The following CACNA2D3 variants were observed in gnomAD, a reference collection of about 807,000 sequenced individuals.
The protein encoded by CACNA2D3 is calcium voltage-gated channel auxiliary subunit alpha2delta 3, also known as voltage-dependent calcium channel subunit alpha-2/delta-3.
A neutral mutation model predicts 160.6 loss-of-function variants in CACNA2D3; 60 were observed. The observed-to-expected ratio is 0.37, with a 90% CI of 0.30 to 0.46. The LOEUF is 0.46. Among genes scored for constraint, CACNA2D3 ranks in the 20% least tolerant of loss-of-function variants. CACNA2D3 has a pLI of 1.00. For missense variants in CACNA2D3, 1,205 were observed against 1,365.0 expected, an observed-to-expected ratio of 0.88 and a Z score of 1.85; for synonymous variants, 558 against 492.9, an observed-to-expected ratio of 1.13 and a Z score of -1.75.
intron 11 of CACNA2D3, among the ~76,000 whole-genome samples, chr3:54,644,715 C>T (rs1559537321): frequency 6.6e-6 from 1 of 152,210 alleles, no homozygotes. Context: ...CGGGATCACC[C>T]GAGGGCTTGT....
intron 17 of CACNA2D3, among the ~76,000 whole-genome samples, chr3:54,870,984 G>A (rs1699511146): frequency 6.6e-6 from 1 of 150,896 alleles, no homozygotes; most frequent in Admixed American, 6.6e-5. Context: ...AGATTCTTTG[G>A]TAAATGTAAG....
intron 27 of CACNA2D3, among the ~76,000 whole-genome samples, chr3:54,909,309 T>A (rs1329196613): frequency 2.0e-5 from 3 of 152,158 alleles, no homozygotes; most frequent in African/African-American, 7.2e-5. Context: ...GAAAACAGTT[T>A]ATGGGATTTT....
chr3:54,132,380 G>A (rs1157691007), intron 2 of CACNA2D3, among the ~76,000 whole-genome samples: 1 of 152,184 alleles, frequency 6.6e-6, no homozygotes, highest in African/African-American at 2.4e-5. Flanking sequence ...TTATATACAT[G>A]GGTTGTTTTC....
intron 3 of CACNA2D3, among the ~76,000 whole-genome samples, chr3:54,371,373 CA>C (rs1698923439): frequency 6.6e-6 from 1 of 152,132 alleles, no homozygotes; most frequent in African/African-American, 2.4e-5. Flanking sequence ...TGGGTTTCTA[CA>C]TTTGAAAACT....
chr3:54,740,890 T>G, intron 11 of CACNA2D3, among the ~76,000 whole-genome samples: 1 of 152,192 alleles, frequency 6.6e-6, no homozygotes, highest in Non-Finnish European at 1.5e-5. Flanking sequence ...TTGGGCAGAA[T>G]CCAAAACTCC....
At chr3:54,836,758 T>A (rs572629642) in intron 14 of CACNA2D3, among the ~76,000 whole-genome samples, 2 of 152,218 alleles carry the variant, frequency 1.3e-5, no homozygotes, top group Admixed American at 6.5e-5. Context: ...AGACCCTTTA[T>A]GTGCATGCTT....
chr3:54,452,640 A>G (rs1019578617), intron 4 of CACNA2D3, among the ~76,000 whole-genome samples: 2 of 152,170 alleles, frequency 1.3e-5, no homozygotes, highest in African/African-American at 4.8e-5. Context: ...TCACAGCAGC[A>G]CTTCACTTCC....
chr3:54,383,468 A>G (rs1699140153), intron 3 of CACNA2D3, among the ~76,000 whole-genome samples: 1 of 152,212 alleles, frequency 6.6e-6, no homozygotes, highest in Non-Finnish European at 1.5e-5. Context: ...TTCATAAGAA[A>G]CAACCATTAC....
At chr3:54,813,066 A>C (rs1703361040) in intron 13 of CACNA2D3, among the ~76,000 whole-genome samples, 1 of 152,134 alleles carries the variant, frequency 6.6e-6, no homozygotes, top group Non-Finnish European at 1.5e-5. Flanking sequence ...GTGAAGTGTC[A>C]CCTGAAATGT....
chr3:54,958,062 C>G (rs1189051188), intron 27 of CACNA2D3, among the ~76,000 whole-genome samples: 2 of 152,196 alleles, frequency 1.3e-5, no homozygotes, highest in Non-Finnish European at 2.9e-5. Flanking sequence ...AAGTGCCTGC[C>G]TGTGCTGGTA....
At chr3:54,460,794 C>T (rs935463339) in intron 4 of CACNA2D3, among the ~76,000 whole-genome samples, 13 of 152,246 alleles carry the variant, frequency 8.5e-5, no homozygotes, top group African/African-American at 3.1e-4. Flanking sequence ...TTGCCCTGGC[C>T]AGAACTTCCA....
Position 54,134,561 on chromosome 3 carries a change from C to T in CACNA2D3, c.204+10967C>T, listed in dbSNP as rs1251604891. Among the ~76,000 whole-genome samples the T allele has an allele frequency of 2.0e-5, 3 of 152,198 alleles. No homozygotes were observed. The East Asian group carries it at 5.8e-4, about 29-fold the overall frequency. On this transcript the variant is annotated intron_variant, in intron 2 of 37. Coordinates refer to ENST00000474759, the MANE Select transcript of CACNA2D3 (RefSeq NM_018398.3). ...ACCAGGTCCTTCACAGCCCTTTCCC[C>T]ATTTACTCTCCAACGCCAGGGTTTT...
At chr3:54,228,408 A>G (rs947214084) in intron 2 of CACNA2D3, among the ~76,000 whole-genome samples, 2 of 152,248 alleles carry the variant, frequency 1.3e-5, no homozygotes, top group Non-Finnish European at 2.9e-5. Context: ...ACTGAGAATT[A>G]CACAGAATGC....
intron 5 of CACNA2D3, among the ~76,000 whole-genome samples, chr3:54,559,338 C>T (rs2106700374): frequency 6.6e-6 from 1 of 152,160 alleles, no homozygotes; most frequent in Non-Finnish European, 1.5e-5. Flanking sequence ...TGCTCTGTCA[C>T]CCAGGCTGGA....
chr3:54,334,751 A>C (rs1317656504), intron 3 of CACNA2D3, among the ~76,000 whole-genome samples: 1 of 152,236 alleles, frequency 6.6e-6, no homozygotes. Context: ...TGGGTCTGGC[A>C]TGAGCCCATG....
chr3:55,053,427 G>A (rs1256205323), intron 35 of CACNA2D3, among the ~76,000 whole-genome samples: 3 of 151,854 alleles, frequency 2.0e-5, no homozygotes, highest in African/African-American at 7.2e-5. Context: ...ACAACACTGG[G>A]ACTTCTAACC....
At chr3:54,993,271 G>A (rs1280955467) in intron 31 of CACNA2D3, among the ~76,000 whole-genome samples, 2 of 152,178 alleles carry the variant, frequency 1.3e-5, no homozygotes, top group South Asian at 2.1e-4. Flanking sequence ...TAACACTCTG[G>A]GTTAATCTCA....
At chr3:55,001,069 G>T (rs966591737) in intron 31 of CACNA2D3, among the ~76,000 whole-genome samples, 3 of 152,104 alleles carry the variant, frequency 2.0e-5, no homozygotes, top group African/African-American at 7.2e-5. Context: ...TATCTTATAG[G>T]GATGTGTTTA....
chr3:54,330,910 G>A (rs1229431404), intron 3 of CACNA2D3, among the ~76,000 whole-genome samples: 1 of 152,182 alleles, frequency 6.6e-6, no homozygotes, highest in Non-Finnish European at 1.5e-5. Context: ...CCACACGGGG[G>A]AATTAGGGTT....
Sources: allele counts gnomAD v4.1 joint callset (sites outside exome capture counted in the v4.1 genomes callset), GRCh38; gene constraint gnomAD v4.1.1; transcripts MANE v1.5; gene names NCBI Gene and HGNC (gene_info 2026-07-23, HGNC 2026-07-21).